The following RBFOX1 variants were observed in gnomAD, a reference collection of about 807,000 sequenced individuals.
RBFOX1 encodes the protein RNA binding protein fox-1 homolog 1.
In RBFOX1, 8 loss-of-function variants were observed where a neutral mutation model predicts 57.7. The ratio of observed to expected loss-of-function variants is 0.14; its 90% CI spans 0.08 to 0.25. The LOEUF (loss-of-function observed/expected upper bound fraction) is 0.25, where lower values mean the gene tolerates loss of function less well. RBFOX1 is among the 10% of genes least tolerant of loss of function. The probability of loss-of-function intolerance (pLI) is 1.00; values close to 1 mark genes in which losing one functional copy is unlikely to be tolerated. For synonymous variants in RBFOX1, 326 were observed against 222.4 expected (o/e 1.47, Z -4.15); for missense variants, 611 against 548.5 (o/e 1.11, Z -1.14).
At chr16:7,009,212 C>T (rs1441913410) in intron 3 of RBFOX1, among the ~76,000 whole-genome samples, 2 of 130,976 alleles carry the variant, frequency 1.5e-5, no homozygotes, top group East Asian at 4.3e-4. Flanking sequence ...CCCTCTTTCT[C>T]TCTGTCCCTC....
chr16:5,490,560 C>A (rs771937012), intron 2 of RBFOX1, among the ~76,000 whole-genome samples: 1 of 152,188 alleles, frequency 6.6e-6, no homozygotes, highest in Non-Finnish European at 1.5e-5. Context: ...TGGAATCCCC[C>A]GCCCTCCATG....
chr16:6,655,224 A>C (rs1264281279), intron 3 of RBFOX1, among the ~76,000 whole-genome samples: 1 of 151,402 alleles, frequency 6.6e-6, no homozygotes, highest in Non-Finnish European at 1.5e-5. Flanking sequence ...AAATAGAAAA[A>C]TTAGCCGGGT....
At chr16:6,801,051 C>A (rs1156510690) in intron 3 of RBFOX1, among the ~76,000 whole-genome samples, 2 of 151,968 alleles carry the variant, frequency 1.3e-5, no homozygotes, top group African/African-American at 4.8e-5. Context: ...CTTGAACATG[C>A]ACAAAAATCA....
intron 14 of RBFOX1, among the ~76,000 whole-genome samples, chr16:7,678,597 G>T (rs1000538943): frequency 6.6e-6 from 1 of 151,774 alleles, no homozygotes; most frequent in African/African-American, 2.4e-5. Context: ...TTGCTTTTCA[G>T]TATAAGTGCA....
intron 3 of RBFOX1, among the ~76,000 whole-genome samples, chr16:5,700,075 G>A (rs573643473): frequency 1.3e-5 from 2 of 152,094 alleles, no homozygotes; most frequent in Non-Finnish European, 2.9e-5. Flanking sequence ...CTCATGATCT[G>A]CCCGCCTTGG....
At chr16:5,895,935 A>C (rs1012621385) in intron 4 of RBFOX1, among the ~76,000 whole-genome samples, 1 of 152,208 alleles carries the variant, frequency 6.6e-6, no homozygotes, top group Non-Finnish European at 1.5e-5. Context: ...GGAAGAATGA[A>C]GTCTGTATTC....
At chr16:7,589,806 C>T (rs1280488499) in intron 7 of RBFOX1, among the ~76,000 whole-genome samples, 1 of 151,850 alleles carries the variant, frequency 6.6e-6, no homozygotes, top group Non-Finnish European at 1.5e-5. Context: ...GACAGACAGC[C>T]AGGAAATGAG....
chr16:7,060,647 T>C (rs2153746048), intron 4 of RBFOX1, among the ~76,000 whole-genome samples: 1 of 152,206 alleles, frequency 6.6e-6, no homozygotes, highest in East Asian at 1.9e-4. Context: ...CTGTCTATAA[T>C]GGAAGAACAA....
At chr16:5,796,901 T>C (rs1299102782) in intron 3 of RBFOX1, among the ~76,000 whole-genome samples, 1 of 152,220 alleles carries the variant, frequency 6.6e-6, no homozygotes, top group Non-Finnish European at 1.5e-5. Context: ...TATTTACTCA[T>C]GTGACAATAT....
chr16:6,501,075 C>G (rs1417131615), intron 2 of RBFOX1, among the ~76,000 whole-genome samples: 2 of 149,070 alleles, frequency 1.3e-5, no homozygotes, highest in African/African-American at 2.5e-5. Context: ...CCCTATCCTG[C>G]TTGATGAGTT....
intron 1 of RBFOX1, among the ~76,000 whole-genome samples, chr16:6,084,953 AG>A (rs2096063223): frequency 6.6e-6 from 1 of 152,196 alleles, no homozygotes; most frequent in Admixed American, 6.5e-5. Flanking sequence ...AAGGAAAAAA[AG>A]AGCTTGATAG....
chr16:7,580,946 T>C (rs1395247169), intron 6 of RBFOX1, among the ~76,000 whole-genome samples: 1 of 152,132 alleles, frequency 6.6e-6, no homozygotes, highest in African/African-American at 2.4e-5. Context: ...TGGATGCAAA[T>C]ATCACAAAAG....
intron 14 of RBFOX1, among the ~76,000 whole-genome samples, chr16:7,680,942 A>T (rs1354133350): frequency 6.6e-6 from 1 of 152,074 alleles, no homozygotes; most frequent in Non-Finnish European, 1.5e-5. Context: ...GGGCCTCACA[A>T]GGGACTTATA....
chr16:6,522,137 G>A (rs1411643548), intron 2 of RBFOX1, among the ~76,000 whole-genome samples: 1 of 148,444 alleles, frequency 6.7e-6, no homozygotes, highest in Non-Finnish European at 1.5e-5. Context: ...TCTTTTAATG[G>A]CACTCTGGGG....
intron 2 of RBFOX1, among the ~76,000 whole-genome samples, chr16:5,506,515 C>G (rs1045822504): frequency 6.6e-6 from 1 of 152,160 alleles, no homozygotes; most frequent in Non-Finnish European, 1.5e-5. Flanking sequence ...AATAAGTACA[C>G]AAAGGCTTCT....
At chr16:6,517,099 G>A (rs1031573595) in intron 2 of RBFOX1, among the ~76,000 whole-genome samples, 1 of 152,122 alleles carries the variant, frequency 6.6e-6, no homozygotes, top group Non-Finnish European at 1.5e-5. Context: ...TGTGACACAG[G>A]ATGACTGGCT....
chr16:5,306,410 C>T (rs541589635), intron 1 of RBFOX1, among the ~76,000 whole-genome samples: 1 of 151,804 alleles, frequency 6.6e-6, no homozygotes, highest in East Asian at 1.9e-4. Context: ...ACCTCCTCCT[C>T]CTGGGTTCTA....
chr16:6,483,113 C>A (rs1485114150), intron 2 of RBFOX1: 1 of 1,029,774 alleles, frequency 9.7e-7, no homozygotes, highest in Admixed American at 5.9e-5. Flanking sequence ...CACGCAGCCC[C>A]AGTATCCACT....
At chr16:6,222,969 C>T (rs4600471) in intron 1 of RBFOX1, among the ~76,000 whole-genome samples, 62,196 of 150,258 alleles carry the variant, frequency 0.41, 14,547 homozygotes, top group East Asian at 0.79. Context: ...GTTGTCCTTG[C>T]GATAGTTTAC....
Sources: gnomAD v4.1 joint callset for allele counts (sites outside exome capture counted in the v4.1 genomes callset) on GRCh38, gnomAD v4.1.1 for gene constraint, MANE v1.5 for transcripts, NCBI Gene and HGNC (gene_info 2026-07-23, HGNC 2026-07-21) for gene names.